Variants in DCTN1 observed in about 807,000 individuals in gnomAD.
The protein encoded by DCTN1 is 150 kDa dynein-associated polypeptide.
Under a neutral mutation model 161.2 loss-of-function variants are expected in DCTN1, and 61 were observed. The ratio of observed to expected loss-of-function variants is 0.38; its 90% confidence interval spans 0.31 to 0.47. DCTN1 has a LOEUF of 0.47. DCTN1 is among the 20% of genes least tolerant of loss of function. DCTN1 has a pLI of 0.99. For missense variants in DCTN1, 1,404 were observed against 1,623.7 expected (o/e 0.86, Z 2.33); for synonymous variants, 653 against 632.4 (o/e 1.03, Z -0.49).
chr2:74,380,635 TTC>T (rs1340759667), upstream of DCTN1: 5 of 463,344 alleles, frequency 1.1e-5, no homozygotes, highest in African/African-American at 6.0e-5. Context: ...TCTGGTGCTC[TTC>T]TCTCTCCCTC....
Position 74,361,554 on chromosome 2 carries a change from C to T in DCTN1, c.3782G>A (p.Arg1261Gln), listed in dbSNP as rs553822174. ...CAGCTGCTCCTGGGTCAGCACCAGC[C>T]GGTGTCGCTGTCCAAAACCAGCCGC... The part of the protein sequence containing the change: ...SCAAGFGQRH[R>Q]LVLTQEQLHQ... Residue 1261 changes from arginine (R) to glutamine (Q), a missense_variant, in exon 32 of 32, where the codon CGG (arginine) becomes CAG (glutamine). Physicochemically the swap from Arg to Gln is conservative, Grantham distance 43. This residue lies in a region of DCTN1 where 311 missense variants were observed against 298.9 expected (regional missense o/e 1.04). Transcript: ENST00000628224. 274 of 1,614,092 alleles carry T rather than the reference C, an allele frequency of 1.7e-4. 1 individual carries two copies. The East Asian group carries it at 5.6e-3, about 33-fold the overall frequency.
intron 8 of DCTN1, 97 bp from the exon 9 acceptor site, chr2:74,371,273 A>G: frequency 1.2e-6 from 2 of 1,603,254 alleles, no homozygotes; most frequent in Non-Finnish European, 1.7e-6. Context: ...TGCAAACATC[A>G]CCCAGCCCCA....
intron 25 of DCTN1, 80 bp downstream of exon 25, chr2:74,365,435 G>A: frequency 1.9e-6 from 3 of 1,605,558 alleles, no homozygotes; most frequent in Non-Finnish European, 2.6e-6. Context: ...GAGAACCTGA[G>A]TAGGGGTATG....
At chr2:74,372,838 A>G (rs1449391561) in intron 7 of DCTN1, 90 bp downstream of exon 7, 4 of 1,324,750 alleles carry the variant, frequency 3.0e-6, no homozygotes, top group Non-Finnish European at 4.4e-6. Flanking sequence ...ACGAACTTTC[A>G]CTTGCTCATA....
intron 1 of DCTN1, among the ~76,000 whole-genome samples, chr2:74,379,674 T>C (rs555723698): frequency 6.6e-6 from 1 of 152,304 alleles, no homozygotes; most frequent in African/African-American, 2.4e-5. Context: ...AAAGCAGCTC[T>C]TAAGAAAGGC....
chr2:74,366,895 C>T lies in DCTN1; in HGVS notation c.2354G>A (p.Arg785Gln), dbSNP rs72466492. ...GTCACTGCATGAAGTTTCCAGATCC[C>T]GGAGCAGGAGGGCAATATCTGTAGC... ...QEATDIALLL[R>Q]DLETSCSDIR... Residue 785 changes from arginine to glutamine, a missense_variant, in exon 21 of 32, where the codon CGG (arginine) becomes CAG (glutamine). Transcript: ENST00000628224. The T allele has an allele frequency of 6.2e-7, 1 of 1,614,184 alleles. No individual in the cohort carries two copies. Among genetic ancestry groups the T allele is most frequent in the Non-Finnish European group, 8.5e-7 (1 of 1,180,032 alleles).
intron 26 of DCTN1, 91 bp downstream of exon 26, chr2:74,364,984 A>G: frequency 1.3e-6 from 2 of 1,532,080 alleles, no homozygotes; most frequent in African/African-American, 1.4e-5. Context: ...ACCCGGGGGT[A>G]AGGGGGGTGG....
chr2:74,378,095 G>A lies in DCTN1; in HGVS notation c.184C>T (p.Leu62=). ...FATGKWVGVI[L]DEAKGKNDGT... ...TCATTTTTGCCCTTTGCTTCATCCAGAATCACGCCTACCCATTTGCCAGTG... is the reference window on the plus strand; with the variant it reads ...TCATTTTTGCCCTTTGCTTCATCCAAAATCACGCCTACCCATTTGCCAGTG... Residue 62 remains leucine, a synonymous_variant, in exon 2 of 32, where the codon CTG becomes TTG. Coordinates refer to ENST00000628224, the MANE Select transcript of DCTN1 (RefSeq NM_004082.5). 6.2e-7 allele frequency: 1 copy of A among 1,614,256 alleles called. No individual in the cohort carries two copies. The highest frequency in any genetic ancestry group is 1.1e-5 in the South Asian group (1 of 91,088).
At chr2:74,371,346 G>C (rs1674828886) in intron 8 of DCTN1, 170 bp from the exon 9 acceptor site, 2 of 1,452,394 alleles carry the variant, frequency 1.4e-6, no homozygotes, top group Non-Finnish European at 1.9e-6. Flanking sequence ...GTATATATGG[G>C]GAAAGTATGG....
chr2:74,371,291 C>T, intron 8 of DCTN1, 115 bp from the exon 9 acceptor site: 1 of 1,598,254 alleles, frequency 6.3e-7, no homozygotes, highest in South Asian at 1.1e-5. Flanking sequence ...CCAGGGTGGC[C>T]AACAGTCAGT....
intron 19 of DCTN1, 102 bp downstream of exon 19, chr2:74,367,250 G>C (rs917890706): frequency 1.3e-6 from 2 of 1,536,820 alleles, no homozygotes; most frequent in Non-Finnish European, 1.8e-6. Flanking sequence ...TGGTAACTCT[G>C]CCCTAGTCTT....
intron 6 of DCTN1, chr2:74,373,355 A>G: frequency 3.1e-6 from 1 of 318,308 alleles, no homozygotes; most frequent in Non-Finnish European, 6.2e-6. Flanking sequence ...ACCACTCCCA[A>G]GGACTTTCCC....
At chr2:74,389,922 C>T (rs977329210) in intron 1 of DCTN1, among the ~76,000 whole-genome samples, 2 of 152,160 alleles carry the variant, frequency 1.3e-5, no homozygotes, top group Non-Finnish European at 1.5e-5. Flanking sequence ...GTTCCAACCA[C>T]CTTATACATC....
chr2:74,391,777 G>A (rs117496795), intron 1 of DCTN1: 3 of 453,524 alleles, frequency 6.6e-6, no homozygotes, highest in East Asian at 1.4e-4. Context: ...ACGGTTGGCA[G>A]AGTCGCGCCT....
At chr2:74,381,590 G>A (rs914649617), upstream of DCTN1, among the ~76,000 whole-genome samples, 6 of 152,102 alleles carry the variant, frequency 3.9e-5, no homozygotes, top group Non-Finnish European at 7.3e-5. Context: ...TTGCAGCCTG[G>A]ACCTCACATG....
intron 29 of DCTN1, 49 bp from the exon 30 acceptor site, chr2:74,362,778 T>C (rs1371540188): frequency 3.8e-6 from 6 of 1,569,604 alleles, no homozygotes; most frequent in Non-Finnish European, 5.2e-6. Flanking sequence ...AGGCAGGCAG[T>C]TCTACTGGAT....
At chr2:74,388,063 C>T (rs967565894) in intron 1 of DCTN1, among the ~76,000 whole-genome samples, 7 of 151,920 alleles carry the variant, frequency 4.6e-5, no homozygotes, top group African/African-American at 1.5e-4. Flanking sequence ...TGGTGCATGC[C>T]TATAGTACCA....
chr2:74,364,728 G>A (rs976128401), intron 26 of DCTN1: 15 of 383,560 alleles, frequency 3.9e-5, no homozygotes, highest in Non-Finnish European at 7.0e-5. Flanking sequence ...GATGCCCCAG[G>A]AGAGTCAGCC....
chr2:74,383,266 C>T (rs938591931), upstream of DCTN1, among the ~76,000 whole-genome samples: 7 of 152,174 alleles, frequency 4.6e-5, no homozygotes, highest in African/African-American at 1.4e-4. Flanking sequence ...AAACTATAAG[C>T]CTTTTGAAGC....
Sources: allele counts gnomAD v4.1 joint callset (sites outside exome capture counted in the v4.1 genomes callset), GRCh38; gene constraint gnomAD v4.1.1; regional missense constraint gnomAD v4.1.1; transcripts MANE v1.5; gene names NCBI Gene and HGNC (gene_info 2026-07-23, HGNC 2026-07-21).